NELL1: variants seen among roughly 807,000 people sequenced by gnomAD.
NELL1 encodes protein kinase C-binding protein NELL1.
In NELL1, 76 loss-of-function variants were observed where a neutral mutation model predicts 107.4. That is an observed-to-expected ratio of 0.71 (90% CI 0.59 to 0.86). NELL1 has a LOEUF of 0.86. Ranked by LOEUF, NELL1 falls within the 40% of genes least tolerant of loss-of-function variation. The pLI is 0.00. For synonymous variants in NELL1, 353 were observed against 341.2 expected, an observed-to-expected ratio of 1.03 and a Z score of -0.38; for missense variants, 1,024 against 1,005.5, an observed-to-expected ratio of 1.02 and a Z score of -0.25.
intron 15 of NELL1, among the ~76,000 whole-genome samples, chr11:21,377,629 T>C (rs1851511056): frequency 6.6e-6 from 1 of 152,046 alleles, no homozygotes; most frequent in African/African-American, 2.4e-5. Context: ...GTCAGCTCTT[T>C]GTATGTCTAG....
At chr11:21,321,239 G>A (rs1850002549) in intron 14 of NELL1, among the ~76,000 whole-genome samples, 1 of 152,086 alleles carries the variant, frequency 6.6e-6, no homozygotes, top group African/African-American at 2.4e-5. Context: ...TGCTCATTGT[G>A]GGCCTTCATT....
At chr11:21,291,938 G>A (rs2133961013) in intron 14 of NELL1, among the ~76,000 whole-genome samples, 1 of 152,176 alleles carries the variant, frequency 6.6e-6, no homozygotes, top group South Asian at 2.1e-4. Context: ...AAAATAATAA[G>A]AGCTATTTAT....
At position 21,229,526 on chromosome 11, in the gene NELL1, C is replaced by T; in HGVS notation, c.1549+72C>T. 1.9e-6 allele frequency: 3 copies of T among 1,594,868 alleles called. No individual in the cohort carries two copies. The Admixed American group carries it at 5.1e-5, about 27-fold the overall frequency. ...GGGCTCTTGGCACTTGTGCGTCGGA[C>T]CTTCTTGGTAACTCTTGGTGGAACA... On this transcript the variant is annotated intron_variant, in intron 14 of 19. Transcript: ENST00000357134.
At chr11:21,518,646 CGT>C (rs1264227863) in intron 15 of NELL1, among the ~76,000 whole-genome samples, 1 of 152,114 alleles carries the variant, frequency 6.6e-6, no homozygotes, top group Non-Finnish European at 1.5e-5. Flanking sequence ...AGAAGTGAAA[CGT>C]AGTCCCTTTG....
rs138816468 is a variant in NELL1 at position 21,288,944 on chromosome 11, C to G, written c.1549+59490C>G. Among the ~76,000 whole-genome samples, 754 of 152,214 alleles carry G rather than the reference C, an allele frequency of 5.0e-3. 4 individuals carry two copies. Among genetic ancestry groups the G allele is most frequent in the Non-Finnish European group, 6.6e-3 (449 of 68,012 alleles). On this transcript the variant is annotated intron_variant, in intron 14 of 19. Transcript: ENST00000357134. ...TCCTCACAGCAATGGCACCTGGGTT[C>G]TAAGAAGGAGTGTTCTAAGAAGTGA...
At chr11:20,749,820 A>G (rs1856092831) in intron 2 of NELL1, among the ~76,000 whole-genome samples, 1 of 152,152 alleles carries the variant, frequency 6.6e-6, no homozygotes, top group Admixed American at 6.6e-5. Flanking sequence ...GAATACTACT[A>G]TTCACTATAC....
chr11:20,678,154 C>T, intron 2 of NELL1, 94 bp downstream of exon 2: 3 of 1,424,232 alleles, frequency 2.1e-6, no homozygotes, highest in Non-Finnish European at 2.9e-6. Context: ...CTGGAGATCG[C>T]CTTTGCTATT....
intron 13 of NELL1, among the ~76,000 whole-genome samples, chr11:21,144,272 C>A (rs941756547): frequency 6.6e-6 from 1 of 152,114 alleles, no homozygotes; most frequent in African/African-American, 2.4e-5. Flanking sequence ...CACCTTAGGA[C>A]AAGCTCCTGC....
At chr11:21,021,115 A>T (rs888817858) in intron 12 of NELL1, among the ~76,000 whole-genome samples, 2 of 151,804 alleles carry the variant, frequency 1.3e-5, no homozygotes, top group African/African-American at 4.8e-5. Flanking sequence ...TCCACAGAGA[A>T]ACAGAGATGA....
At chr11:20,850,579 G>C (rs1848777652) in intron 4 of NELL1, among the ~76,000 whole-genome samples, 3 of 152,190 alleles carry the variant, frequency 2.0e-5, no homozygotes, top group Non-Finnish European at 4.4e-5. Context: ...TTTGACCTAT[G>C]AGTGTCTGCA....
intron 14 of NELL1, among the ~76,000 whole-genome samples, chr11:21,236,077 C>G (rs1051525500): frequency 6.6e-6 from 1 of 152,062 alleles, no homozygotes; most frequent in Non-Finnish European, 1.5e-5. Flanking sequence ...TTCATGGGCC[C>G]TTTCCCTCTC....
intron 15 of NELL1, among the ~76,000 whole-genome samples, chr11:21,494,285 A>G (rs1296574653): frequency 1.3e-5 from 2 of 151,984 alleles, no homozygotes; most frequent in Non-Finnish European, 2.9e-5. Context: ...AGCACTTGTA[A>G]CGCATAAACA....
intron 15 of NELL1, among the ~76,000 whole-genome samples, chr11:21,508,167 T>G (rs1855341882): frequency 6.6e-6 from 1 of 152,092 alleles, no homozygotes; most frequent in African/African-American, 2.4e-5. Flanking sequence ...AGGCACAAAT[T>G]ATCATTATTA....
chr11:21,563,336 A>G (rs1461170648), intron 17 of NELL1, among the ~76,000 whole-genome samples: 1 of 152,068 alleles, frequency 6.6e-6, no homozygotes, highest in East Asian at 1.9e-4. Context: ...TAGTGTGAGT[A>G]GTTGTGTTTA....
intron 15 of NELL1, among the ~76,000 whole-genome samples, chr11:21,400,612 C>T (rs1409805729): frequency 6.6e-6 from 1 of 151,910 alleles, no homozygotes; most frequent in African/African-American, 2.4e-5. Flanking sequence ...AATGTCTTTA[C>T]CCATTTCTTG....
intron 12 of NELL1, among the ~76,000 whole-genome samples, chr11:20,984,710 G>A (rs1165851382): frequency 1.3e-5 from 2 of 151,926 alleles, no homozygotes; most frequent in Non-Finnish European, 2.9e-5. Flanking sequence ...TCACCATCCT[G>A]TGTCCTCTTG....
intron 15 of NELL1, among the ~76,000 whole-genome samples, chr11:21,526,154 G>A (rs554538763): frequency 3.9e-5 from 6 of 152,238 alleles, no homozygotes; most frequent in African/African-American, 1.4e-4. Flanking sequence ...ATACACTAAT[G>A]TGGGAGAAAT....
At chr11:20,894,846 T>C (rs1849691025) in intron 5 of NELL1, among the ~76,000 whole-genome samples, 2 of 152,316 alleles carry the variant, frequency 1.3e-5, no homozygotes, top group South Asian at 4.1e-4. Flanking sequence ...CATAAATTTG[T>C]GGGGTACATG....
intron 14 of NELL1, among the ~76,000 whole-genome samples, chr11:21,247,971 T>G (rs1198425682): frequency 6.6e-6 from 1 of 152,192 alleles, no homozygotes; most frequent in Non-Finnish European, 1.5e-5. Flanking sequence ...GGAAGCATTC[T>G]CTGAAGAGAT....
Sources: gnomAD v4.1 joint callset for allele counts (sites outside exome capture counted in the v4.1 genomes callset) on GRCh38, gnomAD v4.1.1 for gene constraint, MANE v1.5 for transcripts, NCBI Gene and HGNC (gene_info 2026-07-23, HGNC 2026-07-21) for gene names.